The following OXR1 variants were observed in gnomAD, a reference collection of about 807,000 sequenced individuals.
OXR1 encodes the protein oxidation resistance 1.
In OXR1, 41 loss-of-function variants were observed where a neutral mutation model predicts 104.6. That is an observed-to-expected ratio of 0.39 (90% CI 0.31 to 0.51). OXR1 has a LOEUF of 0.51. OXR1 is among the 20% of genes least tolerant of loss of function. The pLI, the probability that OXR1 is intolerant of heterozygous loss-of-function variation, is 0.77. For missense variants in OXR1, 955 were observed against 1,031.9 expected (o/e 0.93, Z 1.02); for synonymous variants, 348 against 348.4 (o/e 1.00, Z 0.01).
chr8:106,495,614 A>G (rs1033771720), intron 2 of OXR1, among the ~76,000 whole-genome samples: 1 of 152,174 alleles, frequency 6.6e-6, no homozygotes. Flanking sequence ...ATCCTGGGGT[A>G]AGATAGAAGA....
At chr8:106,369,643 C>T (rs982447291) in intron 2 of OXR1, among the ~76,000 whole-genome samples, 19 of 152,162 alleles carry the variant, frequency 1.2e-4, no homozygotes, top group Middle Eastern at 3.4e-3. Flanking sequence ...GCACAATTTA[C>T]TGAATAGGAG....
chr8:106,402,190 T>C (rs1284157595), intron 2 of OXR1, among the ~76,000 whole-genome samples: 3 of 152,228 alleles, frequency 2.0e-5, no homozygotes, highest in Non-Finnish European at 1.5e-5. Flanking sequence ...CCAAGATCCA[T>C]CTGTCTTCTC....
chr8:106,372,805 C>T (rs1816762853), intron 2 of OXR1, among the ~76,000 whole-genome samples: 1 of 152,096 alleles, frequency 6.6e-6, no homozygotes, highest in South Asian at 2.1e-4. Flanking sequence ...CATTACTGGT[C>T]CCAAGCATTT....
chr8:106,466,057 T>G (rs900690210), intron 2 of OXR1, among the ~76,000 whole-genome samples: 2 of 152,000 alleles, frequency 1.3e-5, no homozygotes, highest in African/African-American at 4.8e-5. Context: ...TTCTATACCT[T>G]GTATAAACTT....
At chr8:106,598,841 G>T (rs572388176) in intron 3 of OXR1, among the ~76,000 whole-genome samples, 1 of 152,020 alleles carries the variant, frequency 6.6e-6, no homozygotes, top group Non-Finnish European at 1.5e-5. Flanking sequence ...GGGATATTTT[G>T]CCTCAGAAAA....
At chr8:106,487,471 G>C (rs1484975067) in intron 2 of OXR1, among the ~76,000 whole-genome samples, 1 of 147,900 alleles carries the variant, frequency 6.8e-6, no homozygotes, top group African/African-American at 2.5e-5. Flanking sequence ...TGTGCACATT[G>C]TGCAGGTTAG....
chr8:106,502,981 C>T (rs1291361203), intron 2 of OXR1, among the ~76,000 whole-genome samples: 1 of 152,140 alleles, frequency 6.6e-6, no homozygotes, highest in Non-Finnish European at 1.5e-5. Flanking sequence ...CTCTTGCAAC[C>T]AAACTACTTA....
intron 2 of OXR1, among the ~76,000 whole-genome samples, chr8:106,430,578 A>C (rs1819323504): frequency 6.6e-6 from 1 of 152,158 alleles, no homozygotes; most frequent in Admixed American, 6.6e-5. Context: ...AAGGTATAAA[A>C]CTTTGAAAAC....
At chr8:106,311,266 C>T (rs1006001374) in intron 1 of OXR1, among the ~76,000 whole-genome samples, 2 of 151,982 alleles carry the variant, frequency 1.3e-5, no homozygotes, top group Non-Finnish European at 2.9e-5. Context: ...CTTCTTATAT[C>T]GGTTATAGTG....
chr8:106,449,203 GT>G (rs1262054435), intron 2 of OXR1, among the ~76,000 whole-genome samples: 1 of 152,130 alleles, frequency 6.6e-6, no homozygotes, highest in Non-Finnish European at 1.5e-5. Context: ...CTCAGCTGAT[GT>G]TACCCCTCTG....
At chr8:106,295,010 T>C (rs529210210) in intron 1 of OXR1, among the ~76,000 whole-genome samples, 4 of 152,318 alleles carry the variant, frequency 2.6e-5, no homozygotes, top group Non-Finnish European at 5.9e-5. Flanking sequence ...TGGAAGCAAG[T>C]AGAAGGAAGA....
chr8:106,437,618 C>A (rs901263036), intron 2 of OXR1, among the ~76,000 whole-genome samples: 5 of 152,034 alleles, frequency 3.3e-5, no homozygotes, highest in Non-Finnish European at 5.9e-5. Context: ...ACCAAGAAAC[C>A]AGGATCATGA....
chr8:106,588,212 G>T (rs1818800378), intron 3 of OXR1, among the ~76,000 whole-genome samples: 2 of 152,070 alleles, frequency 1.3e-5, no homozygotes, highest in Non-Finnish European at 2.9e-5. Flanking sequence ...GCCCACCTCG[G>T]CCTCCCAAAG....
chr8:106,286,987 T>G (rs1374556704), intron 1 of OXR1, among the ~76,000 whole-genome samples: 2 of 152,192 alleles, frequency 1.3e-5, no homozygotes, highest in African/African-American at 4.8e-5. Context: ...GTCAGTCATT[T>G]CGGATGCAAA....
rs768199552 is a variant in OXR1, at chr8:106,294,412, A to AGAAAG, written c.-139+24045_-139+24046insGAAAG. Among the ~76,000 whole-genome samples, 398 of 131,428 alleles carry AGAAAG rather than the reference A, an allele frequency of 3.0e-3. 2 individuals are homozygous for AGAAAG. Among genetic ancestry groups the AGAAAG allele is most frequent in the Non-Finnish European group, 3.9e-3 (252 of 63,956 alleles). 86.2% of individuals were successfully genotyped at this position (131,428 alleles called of 152,430 possible). ...CTCTGTCTCAAAAAAAAAAAAAAAA[A>AGAAAG]AAAGAAAGAAAGAAATACCTGAGAC... is the stretch of plus-strand genomic sequence containing the variant. On this transcript the variant is annotated intron_variant, in intron 1 of 16. Coordinates refer to ENST00000517566, the MANE Select transcript of OXR1 (RefSeq NM_001198533.2).
In OXR1 at chr8:106,578,034, G is replaced by C. The variant is rs10112029; in HGVS notation, c.220+58895G>C. 2.2e-3 allele frequency among the ~76,000 whole-genome samples: 341 copies of C among 152,112 alleles called. 1 individual carries two copies. The highest frequency in any genetic ancestry group is 7.7e-3 in the African/African-American group (320 of 41,486). On this transcript the variant is annotated intron_variant, in intron 3 of 16. Coordinates refer to ENST00000517566, the MANE Select transcript of OXR1 (RefSeq NM_001198533.2). The stretch of plus-strand genomic sequence containing the variant: ...GTGCCCCTTTGTAGAAATCTGGGTT[G>C]TGGCTTCACAGGGCTAGGGGTGTCA...
chr8:106,468,408 C>CCACA (rs147013671), intron 2 of OXR1, among the ~76,000 whole-genome samples: 1 of 151,214 alleles, frequency 6.6e-6, no homozygotes, highest in Non-Finnish European at 1.5e-5. Flanking sequence ...TATACTACAT[C>CCACA]CACACACACA....
At chr8:106,456,890 TC>T (rs1280872996) in intron 2 of OXR1, among the ~76,000 whole-genome samples, 1 of 152,168 alleles carries the variant, frequency 6.6e-6, no homozygotes, top group Admixed American at 6.5e-5. Flanking sequence ...GTGTGTGTGT[TC>T]TTTCTGAAAA....
At chr8:106,554,428 G>A (rs931344334) in intron 3 of OXR1, among the ~76,000 whole-genome samples, 2 of 152,138 alleles carry the variant, frequency 1.3e-5, no homozygotes, top group South Asian at 4.1e-4. Context: ...TCTAATGCAG[G>A]ATCCTGGATT....
Sources: allele counts gnomAD v4.1 joint callset (sites outside exome capture counted in the v4.1 genomes callset), GRCh38; gene constraint gnomAD v4.1.1; transcripts MANE v1.5; gene names NCBI Gene and HGNC (gene_info 2026-07-23, HGNC 2026-07-21).